Variants in CYRIA observed in about 807,000 individuals in gnomAD.
CYRIA encodes the protein CYFIP related Rac1 interactor A.
CYRIA carries 15 observed loss-of-function variants against 43.9 expected under a neutral mutation model. The ratio of observed to expected loss-of-function variants is 0.34; its 90% CI spans 0.23 to 0.53. CYRIA has a LOEUF of 0.53. Among genes scored for constraint, CYRIA ranks in the 20% least tolerant of loss-of-function variants. The pLI, the probability that CYRIA is intolerant of heterozygous loss-of-function variation, is 0.94. For missense variants in CYRIA, 236 were observed against 394.2 expected (o/e 0.60, Z 3.40); for synonymous variants, 117 against 136.0 (o/e 0.86, Z 0.97).
intron 2 of CYRIA, among the ~76,000 whole-genome samples, chr2:16,609,071 G>A (rs1422446003): frequency 1.3e-5 from 2 of 152,196 alleles, no homozygotes; most frequent in African/African-American, 4.8e-5. Flanking sequence ...ACACACAAGC[G>A]GACATTGTAA....
chr2:16,591,435 G>GA (rs1237938466), intron 2 of CYRIA, among the ~76,000 whole-genome samples: 3 of 151,864 alleles, frequency 2.0e-5, no homozygotes, highest in Non-Finnish European at 2.9e-5. Flanking sequence ...TTTTTTAACT[G>GA]AAAAAAGGAA....
rs1194123339 is a variant in CYRIA at position 16,650,339 on chromosome 2, C to T, written c.-167+15441G>A. ...CCCAGAAATCAACCAAAAAGAGGAGCAAAGCTATATACTCAGCTGAATGAG... is the reference window on the plus strand; with the variant it reads ...CCCAGAAATCAACCAAAAAGAGGAGTAAAGCTATATACTCAGCTGAATGAG... On this transcript the variant is annotated intron_variant, in intron 1 of 11. Coordinates refer to ENST00000381323, the MANE Select transcript of CYRIA (RefSeq NM_030797.4). The surrounding 1 kb of genome is among the most constrained non-coding windows in gnomAD (Gnocchi z 4.1). Among the ~76,000 whole-genome samples, 1 of 152,146 alleles carries T rather than the reference C, an allele frequency of 6.6e-6. No individual in the cohort carries two copies. The highest frequency in any genetic ancestry group is 2.4e-5 in the African/African-American group (1 of 41,436).
At chr2:16,580,330 A>C (rs567252633) in intron 3 of CYRIA, among the ~76,000 whole-genome samples, 1 of 152,300 alleles carries the variant, frequency 6.6e-6, no homozygotes, top group Admixed American at 6.5e-5. Flanking sequence ...TAAAGACATA[A>C]ACGGATGAAA....
chr2:16,633,714 A>G (rs893856674), intron 1 of CYRIA, among the ~76,000 whole-genome samples: 2 of 151,772 alleles, frequency 1.3e-5, no homozygotes, highest in African/African-American at 4.8e-5. Flanking sequence ...TGTTACATCA[A>G]TCTCCTAACT....
At chr2:16,566,044 G>A (rs1285571886) in intron 3 of CYRIA, among the ~76,000 whole-genome samples, 1 of 152,012 alleles carries the variant, frequency 6.6e-6, no homozygotes, top group Non-Finnish European at 1.5e-5. Flanking sequence ...CAATTTTTTT[G>A]CACACCTGCT....
chr2:16,587,340 G>T (rs1667767018), intron 3 of CYRIA, among the ~76,000 whole-genome samples: 2 of 151,994 alleles, frequency 1.3e-5, no homozygotes, highest in Admixed American at 1.3e-4. Context: ...AATACATGAT[G>T]GTTTTCTTCA....
At chr2:16,591,423 GTT>G (rs916026736) in intron 2 of CYRIA, among the ~76,000 whole-genome samples, 16 of 152,224 alleles carry the variant, frequency 1.1e-4, no homozygotes, top group African/African-American at 3.9e-4. Context: ...GAGAAGTACA[GTT>G]TTTTTAACTG....
chr2:16,576,225 T>C (rs967486682), intron 3 of CYRIA, among the ~76,000 whole-genome samples: 5 of 152,166 alleles, frequency 3.3e-5, no homozygotes, highest in African/African-American at 1.2e-4. Context: ...TCAGAAAGCA[T>C]TTATTGGGTA....
At position 16,570,695 on chromosome 2, in the gene CYRIA, G is replaced by A. The variant is rs112009186; in HGVS notation, c.71-4928C>T. Among the ~76,000 whole-genome samples the A allele has an allele frequency of 4.6e-3, 703 of 152,312 alleles. 7 individuals carry two copies. The highest frequency in any genetic ancestry group is 0.016 in the African/African-American group (676 of 41,576). ...TAAAGCATCTGCTGAGTGAAGAGGA[G>A]CTGTGAACTGTGTGCTTGGCTTTTC... On this transcript the variant is annotated intron_variant, in intron 3 of 11. Coordinates refer to ENST00000381323, the MANE Select transcript of CYRIA (RefSeq NM_030797.4).
At position 16,589,991 on chromosome 2, in the gene CYRIA, T is replaced by C. The variant is rs186233506; in HGVS notation, c.-10-1862A>G. Among the ~76,000 whole-genome samples, 34 of 152,018 alleles carry C rather than the reference T, an allele frequency of 2.2e-4. 1 individual carries two copies. The East Asian group carries it at 6.6e-3, about 29-fold the overall frequency. ...AACAGCGTTGGAAAAATGAATTATG[T>C]GTGGGGCAGAAGGCTGGGCTAGACG... On this transcript the variant is annotated intron_variant, in intron 2 of 11. Coordinates refer to ENST00000381323, the MANE Select transcript of CYRIA (RefSeq NM_030797.4).
intron 1 of CYRIA, 118 bp downstream of exon 1, chr2:16,665,662 T>C (rs1354740414): frequency 6.6e-6 from 1 of 151,088 alleles, no homozygotes; most frequent in African/African-American, 2.4e-5. Context: ...AGGAGAAGGA[T>C]GGCAGGGAGG....
At chr2:16,644,374 G>A (rs1669759538) in intron 1 of CYRIA, among the ~76,000 whole-genome samples, 1 of 152,156 alleles carries the variant, frequency 6.6e-6, no homozygotes, top group Non-Finnish European at 1.5e-5. Flanking sequence ...TCCCTTTGGT[G>A]GATGGGCTGA....
chr2:16,557,025 G>T, intron 10 of CYRIA, among the ~76,000 whole-genome samples: 1 of 152,078 alleles, frequency 6.6e-6, no homozygotes, highest in East Asian at 1.9e-4. Flanking sequence ...ATGGGGTCTG[G>T]AATTCTGGAT....
rs139903487 is a variant in CYRIA at position 16,628,912 on chromosome 2, A to G, written c.-166-4893T>C. On this transcript the variant is annotated intron_variant, in intron 1 of 11. Transcript: ENST00000381323. Reference sequence around the variant, plus strand: ...GGCTGATGCCACTTGGTTATAAAGCAGTCATGTTATGGTTTGAGAAGGCAG... The same window carrying G: ...GGCTGATGCCACTTGGTTATAAAGCGGTCATGTTATGGTTTGAGAAGGCAG... Among the ~76,000 whole-genome samples, 140 of 152,330 alleles carry G rather than the reference A, an allele frequency of 9.2e-4. 1 individual carries two copies. Among genetic ancestry groups the G allele is most frequent in the Non-Finnish European group, 6.2e-4 (42 of 68,024 alleles).
chr2:16,615,649 C>T (rs1281731893), intron 2 of CYRIA, among the ~76,000 whole-genome samples: 1 of 152,200 alleles, frequency 6.6e-6, no homozygotes, highest in Middle Eastern at 3.2e-3. Flanking sequence ...CCTCAGATCC[C>T]TCCAAAAATA....
rs1666332621 is a variant in CYRIA, at chr2:16,552,017, C to G, written c.*919G>C. On this transcript the variant is annotated 3_prime_UTR_variant, in exon 12 of 12. Transcript: ENST00000381323. ...TAATGCAGTATCCTAGACCTTTGTTCTCATATGAATGGTCTTCAGAGAACA... is the reference window on the plus strand; with the variant it reads ...TAATGCAGTATCCTAGACCTTTGTTGTCATATGAATGGTCTTCAGAGAACA... 1 of 152,044 alleles carries G rather than the reference C, an allele frequency of 6.6e-6. No individual in the cohort carries two copies. The highest frequency in any genetic ancestry group is 1.5e-5 in the Non-Finnish European group (1 of 67,990). 9.4% of individuals were successfully genotyped at this position (152,044 alleles called of 1,614,324 possible).
At position 16,650,510 on chromosome 2, in the gene CYRIA, G is replaced by A. The variant is rs533745581; in HGVS notation, c.-167+15270C>T. Reference sequence around the variant, plus strand: ...GGGATGATGCAACAACAGACCAAGAGGCCTACAATAGAACAAATGCAGAAC... The same window carrying A: ...GGGATGATGCAACAACAGACCAAGAAGCCTACAATAGAACAAATGCAGAAC... On this transcript the variant is annotated intron_variant, in intron 1 of 11. Coordinates refer to ENST00000381323, the MANE Select transcript of CYRIA (RefSeq NM_030797.4). The surrounding 1 kb of genome is among the most constrained non-coding windows in gnomAD (Gnocchi z 4.1). Among the ~76,000 whole-genome samples the A allele has an allele frequency of 2.0e-5, 3 of 152,356 alleles. No homozygotes were observed. In the South Asian group the frequency reaches 6.2e-4, roughly 32 times the overall value.
chr2:16,610,677 A>G (rs985250007), intron 2 of CYRIA, among the ~76,000 whole-genome samples: 4 of 152,082 alleles, frequency 2.6e-5, no homozygotes, highest in African/African-American at 4.8e-5. Context: ...TGCCCCATGT[A>G]GTTGGAACAC....
chr2:16,644,149 C>G (rs1163973723), intron 1 of CYRIA, among the ~76,000 whole-genome samples: 1 of 152,204 alleles, frequency 6.6e-6, no homozygotes, highest in African/African-American at 2.4e-5. Flanking sequence ...CTGATATGCA[C>G]CTTATATAGC....
Sources: gnomAD v4.1 joint callset for allele counts (sites outside exome capture counted in the v4.1 genomes callset) on GRCh38, gnomAD v4.1.1 for gene constraint, Gnocchi (gnomAD v3.1) non-coding constraint, MANE v1.5 for transcripts, NCBI Gene and HGNC (gene_info 2026-07-23, HGNC 2026-07-21) for gene names.